PCDH7: variants seen among roughly 807,000 people sequenced by gnomAD.
PCDH7 encodes protocadherin-7.
A neutral mutation model predicts 58.9 loss-of-function variants in PCDH7; 17 were observed. That is an observed-to-expected ratio of 0.29 (90% CI 0.20 to 0.43). PCDH7 has a LOEUF of 0.43. PCDH7 is among the 20% of genes least tolerant of loss of function. PCDH7 has a pLI of 1.00. For missense variants in PCDH7, 1,274 were observed against 1,441.0 expected, an observed-to-expected ratio of 0.88 and a Z score of 1.88; for synonymous variants, 664 against 616.4, an observed-to-expected ratio of 1.08 and a Z score of -1.14.
intron 3 of PCDH7, among the ~76,000 whole-genome samples, chr4:31,048,934 A>T (rs1756514485): frequency 6.6e-6 from 1 of 152,158 alleles, no homozygotes; most frequent in African/African-American, 2.4e-5. Flanking sequence ...AAAGACAAAT[A>T]TGATGATATG....
intron 1 of PCDH7, among the ~76,000 whole-genome samples, chr4:30,911,665 T>C (rs941357814): frequency 6.6e-6 from 1 of 152,190 alleles, no homozygotes; most frequent in African/African-American, 2.4e-5. Context: ...CTTTGGCTAT[T>C]CTGTTTCCTG....
chr4:31,062,321 C>A (rs993682907), intron 3 of PCDH7, among the ~76,000 whole-genome samples: 1 of 151,550 alleles, frequency 6.6e-6, no homozygotes, highest in Non-Finnish European at 1.5e-5. Context: ...ATTGTTGCAA[C>A]TGGATAACGC....
At chr4:30,730,583 T>G (rs1460367998) in intron 1 of PCDH7, among the ~76,000 whole-genome samples, 1 of 152,080 alleles carries the variant, frequency 6.6e-6, no homozygotes, top group African/African-American at 2.4e-5. Flanking sequence ...ACAAGTTAAC[T>G]TCCCCCACCC....
At chr4:31,067,950 T>A (rs995595963) in intron 3 of PCDH7, among the ~76,000 whole-genome samples, 4 of 152,000 alleles carry the variant, frequency 2.6e-5, no homozygotes, top group Admixed American at 6.6e-5. Context: ...AAAGATACTT[T>A]TTAATACTTG....
rs557532981 is a variant in PCDH7, at chr4:30,729,101, T to C, written c.3175-1652T>C. Among the ~76,000 whole-genome samples the C allele has an allele frequency of 2.0e-5, 3 of 152,024 alleles. No individual in the cohort carries two copies. In the East Asian group the frequency reaches 5.8e-4, roughly 29 times the overall value. Reference sequence around the variant, plus strand: ...CCCTCATTTTAATAGAAGAGGAGACTGAGGCCCAGCATGAAACAGTGACTT... The same window carrying C: ...CCCTCATTTTAATAGAAGAGGAGACCGAGGCCCAGCATGAAACAGTGACTT... On this transcript the variant is annotated intron_variant, in intron 1 of 1. Coordinates refer to ENST00000361762, the Ensembl canonical transcript of PCDH7.
intron 3 of PCDH7, among the ~76,000 whole-genome samples, chr4:31,112,967 T>TAATAAAA (rs1716509361): frequency 6.6e-6 from 1 of 152,206 alleles, no homozygotes; most frequent in African/African-American, 2.4e-5. Context: ...GTATAATTGC[T>TAATAAAA]CAGATCCTGT....
At chr4:30,882,380 C>G (rs1207183638) in intron 1 of PCDH7, among the ~76,000 whole-genome samples, 1 of 152,010 alleles carries the variant, frequency 6.6e-6, no homozygotes, top group East Asian at 1.9e-4. Flanking sequence ...CTACCCCAGC[C>G]TCCCAAGTAG....
intron 3 of PCDH7, among the ~76,000 whole-genome samples, chr4:31,104,077 A>G (rs895008777): frequency 2.6e-5 from 4 of 152,236 alleles, no homozygotes; most frequent in African/African-American, 4.8e-5. Flanking sequence ...TGCATTCCCA[A>G]GGGAGAATTC....
chr4:31,008,736 T>G (rs189344153), intron 3 of PCDH7, among the ~76,000 whole-genome samples: 1 of 152,248 alleles, frequency 6.6e-6, no homozygotes, highest in African/African-American at 2.4e-5. Flanking sequence ...CCTGCCATGT[T>G]TTTTTGTCCA....
intron 2 of PCDH7, among the ~76,000 whole-genome samples, chr4:30,938,813 C>G (rs1745678001): frequency 6.6e-6 from 1 of 151,984 alleles, no homozygotes. Flanking sequence ...AACATGCCAA[C>G]CTGAAATTTA....
chr4:31,131,871 A>C (rs1315321478), intron 3 of PCDH7, among the ~76,000 whole-genome samples: 4 of 152,206 alleles, frequency 2.6e-5, no homozygotes, highest in African/African-American at 9.6e-5. Flanking sequence ...AGAAAAATGC[A>C]TGGGTGTCAT....
chr4:30,847,616 T>C (rs1055908361), intron 1 of PCDH7, among the ~76,000 whole-genome samples: 1 of 152,210 alleles, frequency 6.6e-6, no homozygotes, highest in Non-Finnish European at 1.5e-5. Flanking sequence ...GATAGATAGT[T>C]TAGTGAAACT....
intron 1 of PCDH7, among the ~76,000 whole-genome samples, chr4:30,830,445 A>G (rs1055916216): frequency 6.6e-6 from 1 of 151,986 alleles, no homozygotes; most frequent in Non-Finnish European, 1.5e-5. Context: ...CATATTTTCT[A>G]TTTTATTATT....
At chr4:30,977,801 A>G (rs1236646598) in intron 3 of PCDH7, among the ~76,000 whole-genome samples, 1 of 152,110 alleles carries the variant, frequency 6.6e-6, no homozygotes, top group Admixed American at 6.5e-5. Flanking sequence ...TCCTCTGAGG[A>G]TCTCTGGAGT....
intron 2 of PCDH7, among the ~76,000 whole-genome samples, chr4:30,948,286 A>T (rs1462377509): frequency 6.7e-6 from 1 of 149,664 alleles, no homozygotes; most frequent in Non-Finnish European, 1.5e-5. Flanking sequence ...AGCAACTCAT[A>T]TGCAAAAAAA....
At chr4:30,933,147 C>G (rs144403531) in intron 2 of PCDH7, among the ~76,000 whole-genome samples, 104 of 152,106 alleles carry the variant, frequency 6.8e-4, no homozygotes, top group African/African-American at 2.2e-3. Context: ...CTGCCTCAGG[C>G]TCCCAAGTAG....
At chr4:30,798,625 T>G (rs1409417788) in intron 1 of PCDH7, among the ~76,000 whole-genome samples, 1 of 152,184 alleles carries the variant, frequency 6.6e-6, no homozygotes, top group Non-Finnish European at 1.5e-5. Context: ...ATGGAATAAC[T>G]TTAATATAAA....
chr4:30,894,806 C>G (rs1405289040), intron 1 of PCDH7, among the ~76,000 whole-genome samples: 1 of 150,372 alleles, frequency 6.7e-6, no homozygotes, highest in Non-Finnish European at 1.5e-5. Flanking sequence ...TTTGCCCCTT[C>G]TGCTTGATTG....
chr4:30,956,338 A>G (rs1456867376), intron 3 of PCDH7, among the ~76,000 whole-genome samples: 1 of 152,220 alleles, frequency 6.6e-6, no homozygotes, highest in Non-Finnish European at 1.5e-5. Flanking sequence ...AAATTATCAA[A>G]TATTTTATCG....
Sources: gnomAD v4.1 joint callset for allele counts (sites outside exome capture counted in the v4.1 genomes callset) on GRCh38, gnomAD v4.1.1 for gene constraint, MANE v1.5 for transcripts, NCBI Gene and HGNC (gene_info 2026-07-23, HGNC 2026-07-21) for gene names.